ASB3: variants seen among roughly 807,000 people sequenced by gnomAD.
ASB3 encodes ankyrin repeat and SOCS box containing 3.
ASB3 carries 41 observed loss-of-function variants against 54.5 expected under a neutral mutation model. The observed-to-expected ratio is 0.75, with a 90% confidence interval of 0.59 to 0.98. The LOEUF is 0.98. ASB3 is among the 50% of genes least tolerant of loss of function. ASB3 has a pLI of 0.00. For synonymous variants in ASB3, 266 were observed against 221.2 expected (o/e 1.20, Z -1.80); for missense variants, 733 against 620.0 (o/e 1.18, Z -1.94).
intron 7 of ASB3, among the ~76,000 whole-genome samples, chr2:53,702,030 T>A (rs1158010805): frequency 2.0e-5 from 3 of 152,208 alleles, no homozygotes; most frequent in Non-Finnish European, 2.9e-5. Flanking sequence ...CCAAACTTAT[T>A]TAACAATACA....
intron 7 of ASB3, among the ~76,000 whole-genome samples, chr2:53,700,740 G>C (rs923233174): frequency 7.2e-5 from 11 of 152,082 alleles, no homozygotes; most frequent in South Asian, 4.2e-4. Flanking sequence ...TTTCAACTGT[G>C]AACAGGTATT....
intron 9 of ASB3, among the ~76,000 whole-genome samples, chr2:53,684,991 G>A (rs10490466): frequency 0.1 from 15,807 of 152,188 alleles, 1,135 homozygotes; most frequent in Non-Finnish European, 0.15. Flanking sequence ...TGGCACATCT[G>A]TGAAGTGTAG....
chr2:53,755,985 C>CCG (rs1553380774), intron 2 of ASB3, among the ~76,000 whole-genome samples: 1 of 151,288 alleles, frequency 6.6e-6, no homozygotes, highest in Non-Finnish European at 1.5e-5. Context: ...AGACCCCCCC[C>CCG]CCACCTCTAC....
At chr2:53,695,519 T>G (rs2103739751) in intron 8 of ASB3, among the ~76,000 whole-genome samples, 1 of 152,256 alleles carries the variant, frequency 6.6e-6, no homozygotes, top group East Asian at 1.9e-4. Flanking sequence ...TTTTTCTGCC[T>G]TAATGCACTT....
At chr2:53,777,661 A>C (rs1445385577) in intron 1 of ASB3, among the ~76,000 whole-genome samples, 2 of 152,198 alleles carry the variant, frequency 1.3e-5, no homozygotes, top group African/African-American at 2.4e-5. Context: ...CTCCCTGTAC[A>C]TAATACACAT....
chr2:53,682,545 C>T (rs747176306), intron 9 of ASB3, among the ~76,000 whole-genome samples: 21 of 152,040 alleles, frequency 1.4e-4, no homozygotes, highest in Non-Finnish European at 2.8e-4. Context: ...GGTGCGATCT[C>T]GGCTCACTGC....
intron 9 of ASB3, among the ~76,000 whole-genome samples, chr2:53,673,728 C>A (rs1424086900): frequency 6.6e-6 from 1 of 152,104 alleles, no homozygotes; most frequent in African/African-American, 2.4e-5. Flanking sequence ...ATCTTCTAAA[C>A]CACTGAAACT....
At chr2:53,738,073 G>GT (rs1671742642) in intron 3 of ASB3, among the ~76,000 whole-genome samples, 1 of 152,048 alleles carries the variant, frequency 6.6e-6, no homozygotes, top group South Asian at 2.1e-4. Context: ...TTGAATTCTG[G>GT]TTATTATAAT....
intron 3 of ASB3, among the ~76,000 whole-genome samples, chr2:53,733,242 T>C (rs935898738): frequency 6.6e-6 from 1 of 152,208 alleles, no homozygotes; most frequent in Non-Finnish European, 1.5e-5. Flanking sequence ...GAATGATACA[T>C]GTCAGCAACA....
intron 2 of ASB3, among the ~76,000 whole-genome samples, chr2:53,761,021 A>T (rs1673114275): frequency 6.6e-6 from 1 of 152,164 alleles, no homozygotes; most frequent in Non-Finnish European, 1.5e-5. Flanking sequence ...ACTATGCCCC[A>T]ATACAGCAGG....
At chr2:53,720,678 G>C (rs944510901) in intron 5 of ASB3, among the ~76,000 whole-genome samples, 1 of 152,118 alleles carries the variant, frequency 6.6e-6, no homozygotes, top group Non-Finnish European at 1.5e-5. Flanking sequence ...AGATCACTGA[G>C]GCAGAAAATT....
intron 8 of ASB3, among the ~76,000 whole-genome samples, chr2:53,698,491 C>T (rs1329496653): frequency 8.5e-5 from 13 of 152,148 alleles, no homozygotes; most frequent in African/African-American, 3.1e-4. Context: ...CCTCACATCT[C>T]TCTATAAGTG....
At chr2:53,676,183 C>T (rs1242925725) in intron 9 of ASB3, among the ~76,000 whole-genome samples, 1 of 152,170 alleles carries the variant, frequency 6.6e-6, no homozygotes, top group African/African-American at 2.4e-5. Flanking sequence ...ACTCCCACCT[C>T]ATTATAAAGT....
At chr2:53,759,382 CCT>C (rs1673013473) in intron 2 of ASB3, among the ~76,000 whole-genome samples, 1 of 152,192 alleles carries the variant, frequency 6.6e-6, no homozygotes, top group South Asian at 2.1e-4. Flanking sequence ...AGAAAGCATA[CCT>C]CTCTGTCGCA....
chr2:53,704,885 CTAAT>C (rs1197735309), intron 7 of ASB3, among the ~76,000 whole-genome samples: 5 of 152,170 alleles, frequency 3.3e-5, no homozygotes, highest in Non-Finnish European at 2.9e-5. Flanking sequence ...TGAAAACTCT[CTAAT>C]AAAGAACTCA....
chr2:53,697,761 A>C (rs1669265338), intron 8 of ASB3, among the ~76,000 whole-genome samples: 1 of 152,174 alleles, frequency 6.6e-6, no homozygotes, highest in South Asian at 2.1e-4. Context: ...CTCCAAGATA[A>C]TCTTCCCTGA....
chr2:53,727,234 T>C (rs1671052563), intron 5 of ASB3, among the ~76,000 whole-genome samples: 1 of 152,252 alleles, frequency 6.6e-6, no homozygotes, highest in Admixed American at 6.5e-5. Flanking sequence ...ACTCATTATT[T>C]ATAACAGATG....
chr2:53,693,143 TC>T (rs917383724), intron 9 of ASB3, among the ~76,000 whole-genome samples: 2 of 152,180 alleles, frequency 1.3e-5, no homozygotes, highest in African/African-American at 4.8e-5. Flanking sequence ...GAAACAATTT[TC>T]CTAACTTAAG....
intron 3 of ASB3, among the ~76,000 whole-genome samples, chr2:53,739,252 C>T (rs1671804005): frequency 6.6e-6 from 1 of 152,134 alleles, no homozygotes; most frequent in African/African-American, 2.4e-5. Flanking sequence ...CAGCCTTTGA[C>T]CCACACAAAA....
Sources: allele counts gnomAD v4.1 joint callset (sites outside exome capture counted in the v4.1 genomes callset), GRCh38; gene constraint gnomAD v4.1.1; transcripts MANE v1.5; gene names NCBI Gene and HGNC (gene_info 2026-07-23, HGNC 2026-07-21).